The following GRAMD1B variants were observed in gnomAD, a reference collection of about 807,000 sequenced individuals.
The protein encoded by GRAMD1B is GRAM domain containing 1B, also known as protein Aster-B.
A neutral mutation model predicts 99.7 loss-of-function variants in GRAMD1B; 37 were observed. That is an observed-to-expected ratio of 0.37 (90% CI 0.29 to 0.49). The LOEUF (loss-of-function observed/expected upper bound fraction) is 0.49. Ranked by LOEUF, GRAMD1B falls within the 20% of genes least tolerant of loss-of-function variation. The pLI is 0.98. For missense variants in GRAMD1B, 888 were observed against 1,009.2 expected (o/e 0.88, Z 1.63); for synonymous variants, 427 against 387.6 (o/e 1.10, Z -1.19).
chr11:123,450,746 G>C (rs1178511746), intron 1 of GRAMD1B, among the ~76,000 whole-genome samples: 1 of 152,162 alleles, frequency 6.6e-6, no homozygotes, highest in Admixed American at 6.5e-5. Context: ...GGGCACTTTG[G>C]AATGCAGATG....
intron 9 of GRAMD1B, among the ~76,000 whole-genome samples, chr11:123,604,852 T>A (rs1952484162): frequency 6.6e-6 from 1 of 152,150 alleles, no homozygotes; most frequent in East Asian, 1.9e-4. Flanking sequence ...AGGTGTATAA[T>A]GCAGGGAAGT....
chr11:123,555,264 G>T (rs1362126594), intron 2 of GRAMD1B, among the ~76,000 whole-genome samples: 1 of 152,144 alleles, frequency 6.6e-6, no homozygotes, highest in Non-Finnish European at 1.5e-5. Flanking sequence ...TGTTTTGAGG[G>T]TTAAATGCAA....
At chr11:123,434,058 C>T (rs1022730582) in intron 1 of GRAMD1B, among the ~76,000 whole-genome samples, 6 of 151,504 alleles carry the variant, frequency 4.0e-5, no homozygotes, top group Admixed American at 6.6e-5. Flanking sequence ...GGAGAAACAC[C>T]GTCTCTACTA....
chr11:123,549,560 G>A (rs562162525), intron 2 of GRAMD1B, among the ~76,000 whole-genome samples: 138 of 152,072 alleles, frequency 9.1e-4, no homozygotes, highest in African/African-American at 3.2e-3. Context: ...AAGAATGATT[G>A]TGGACCTTTA....
At chr11:123,479,603 A>G (rs1336492646) in intron 1 of GRAMD1B, among the ~76,000 whole-genome samples, 1 of 152,174 alleles carries the variant, frequency 6.6e-6, no homozygotes, top group African/African-American at 2.4e-5. Context: ...ATAAGGATTT[A>G]TTATTAATAG....
upstream of GRAMD1B, among the ~76,000 whole-genome samples, chr11:123,426,586 C>G (rs777632899): frequency 4.7e-5 from 4 of 84,232 alleles, no homozygotes; most frequent in Non-Finnish European, 8.6e-5. Context: ...AATGGGCCAA[C>G]CGTTGGGATT....
chr11:123,398,156 C>T (rs61904735), intron 1 of GRAMD1B, among the ~76,000 whole-genome samples: 3,261 of 152,262 alleles, frequency 0.021, 44 homozygotes, highest in Non-Finnish European at 0.034. Context: ...ATGAGTTTTC[C>T]AAAGTGCTTT....
rs118000101 is a variant in GRAMD1B, at chr11:123,431,015, C to G, written c.223C>G (p.Leu75Val). ...CGTCTTGGCCCCCGGCAAGGAGTTC[C>G]TGCAGCTGCCGTCCATCGAGATCAC... The part of the protein sequence containing the change: ...PAVLAPGKEF[L>V]QLPSIEITPS... Residue 75 changes from leucine (L) to valine (V), a missense_variant, in exon 1 of 20, where the codon CTG becomes GTG. Coordinates refer to ENST00000635736, the MANE Select transcript of GRAMD1B (RefSeq NM_001387025.1). 1.4e-6 allele frequency: 1 copy of G among 702,996 alleles called. No individual in the cohort carries two copies. Among genetic ancestry groups the G allele is most frequent in the East Asian group, 2.7e-5 (1 of 37,276 alleles). The allele number at this position is 702,996 out of a possible 1,614,324, so 43.5% of individuals were successfully genotyped here.
chr11:123,495,678 C>CTT (rs556302274), intron 2 of GRAMD1B, among the ~76,000 whole-genome samples: 56 of 114,402 alleles, frequency 4.9e-4, no homozygotes, highest in South Asian at 4.2e-3. Context: ...CTTTCTTCTT[C>CTT]TTTTTTTTTT....
At chr11:123,606,020 A>T (rs1592243175) in intron 10 of GRAMD1B, among the ~76,000 whole-genome samples, 1 of 152,002 alleles carries the variant, frequency 6.6e-6, no homozygotes, top group East Asian at 1.9e-4. Flanking sequence ...GGGTCAGGGC[A>T]TGTGCTGGCA....
intron 1 of GRAMD1B, among the ~76,000 whole-genome samples, chr11:123,406,811 G>A (rs778892835): frequency 2.6e-5 from 4 of 152,118 alleles, no homozygotes; most frequent in Admixed American, 6.6e-5. Flanking sequence ...GGACTAACTA[G>A]TACCAATATA....
intron 12 of GRAMD1B, 96 bp from the exon 13 acceptor site, chr11:123,609,699 T>A: frequency 2.7e-6 from 2 of 751,602 alleles, no homozygotes; most frequent in Non-Finnish European, 4.5e-6. Flanking sequence ...CAGGCAGTAG[T>A]AAGCACAGTC....
chr11:123,442,624 G>C (rs1414106329), intron 1 of GRAMD1B, among the ~76,000 whole-genome samples: 2 of 152,144 alleles, frequency 1.3e-5, no homozygotes, highest in Non-Finnish European at 2.9e-5. Flanking sequence ...ACAAAAATTA[G>C]CCAAGTGTGG....
At chr11:123,545,035 G>A (rs1050557641) in intron 2 of GRAMD1B, among the ~76,000 whole-genome samples, 2 of 152,272 alleles carry the variant, frequency 1.3e-5, no homozygotes, top group East Asian at 1.9e-4. Flanking sequence ...AGGACAGTGG[G>A]CTGTCTTTGG....
chr11:123,457,134 A>AAAGAAAGAAAGAAAGAAAGAAAGG, intron 1 of GRAMD1B, among the ~76,000 whole-genome samples: 2 of 147,602 alleles, frequency 1.4e-5, no homozygotes, highest in Admixed American at 7.2e-5. Flanking sequence ...AGAAAGAAAG[A>AAAGAAAGAAAGAAAGAAAGAAAGG]AAGAATTAGA....
At chr11:123,400,551 G>A (rs1441446119) in intron 1 of GRAMD1B, among the ~76,000 whole-genome samples, 1 of 152,166 alleles carries the variant, frequency 6.6e-6, no homozygotes, top group African/African-American at 2.4e-5. Context: ...ACATTAAGAT[G>A]TGGGCAGATT....
rs140974391 is a variant in GRAMD1B at position 123,375,073 on chromosome 11, T to G, written c.-176+16274T>G. ...GCCAAACACTTTGCTAAGGATAGTA[T>G]CTTCATGATCTCACTTAACTTACAA... On this transcript the variant is annotated intron_variant, in intron 1 of 20. Coordinates refer to the GRAMD1B transcript ENST00000638157. Among the ~76,000 whole-genome samples the G allele has an allele frequency of 3.1e-4, 47 of 152,354 alleles. No individual in the cohort carries two copies. The East Asian group carries it at 9.1e-3, about 29-fold the overall frequency.
At chr11:123,561,082 G>C (rs3862612) in intron 2 of GRAMD1B, among the ~76,000 whole-genome samples, 1,629 of 152,288 alleles carry the variant, frequency 0.011, 33 homozygotes, top group East Asian at 0.088. Flanking sequence ...GGGTGGGCTG[G>C]AGAGACAGGC....
At chr11:123,619,648 A>G (rs908473869) in intron 19 of GRAMD1B, 9 of 303,556 alleles carry the variant, frequency 3.0e-5, no homozygotes, top group Middle Eastern at 1.7e-3. Context: ...GTGGCACTGC[A>G]CTGATAGTCT....
Sources: allele counts gnomAD v4.1 joint callset (sites outside exome capture counted in the v4.1 genomes callset), GRCh38; gene constraint gnomAD v4.1.1; transcripts MANE v1.5; gene names NCBI Gene and HGNC (gene_info 2026-07-23, HGNC 2026-07-21).